The following RNF144A variants were observed in gnomAD, a reference collection of about 807,000 sequenced individuals.
RNF144A encodes the protein ring finger protein 144A.
RNF144A carries 11 observed loss-of-function variants against 38.7 expected under a neutral mutation model. That is an observed-to-expected ratio of 0.28 (90% CI 0.18 to 0.47). The LOEUF is 0.47. Among genes scored for constraint, RNF144A ranks in the 20% least tolerant of loss-of-function variants. RNF144A has a pLI of 0.99. For synonymous variants in RNF144A, 149 were observed against 143.9 expected (o/e 1.04, Z -0.25); for missense variants, 316 against 377.2 (o/e 0.84, Z 1.34).
At chr2:6,934,689 T>A (rs1665453500) in intron 1 of RNF144A, among the ~76,000 whole-genome samples, 1 of 152,228 alleles carries the variant, frequency 6.6e-6, no homozygotes, top group South Asian at 2.1e-4. Context: ...GAAAACTGTT[T>A]AGTGAATAAC....
At chr2:7,059,878 A>G (rs1673885692) in intron 6 of RNF144A, among the ~76,000 whole-genome samples, 3 of 152,174 alleles carry the variant, frequency 2.0e-5, no homozygotes. Flanking sequence ...TTAAAATTTA[A>G]TTTTCTTCTC....
intron 1 of RNF144A, among the ~76,000 whole-genome samples, chr2:6,921,073 G>GT (rs1381105779): frequency 6.6e-6 from 1 of 152,210 alleles, no homozygotes; most frequent in African/African-American, 2.4e-5. Context: ...GTAAGGGTTT[G>GT]TTTGTTTCCC....
intron 2 of RNF144A, among the ~76,000 whole-genome samples, chr2:6,985,268 CTCTTTTTT>C (rs1315022728): frequency 0.013 from 1,666 of 128,638 alleles, 38 homozygotes; most frequent in African/African-American, 0.047. Context: ...TCCCTCCCCC[CTCTTTTTT>C]TTTTTTTTTT....
At chr2:6,981,729 A>G (rs534297458) in intron 2 of RNF144A, among the ~76,000 whole-genome samples, 6 of 151,838 alleles carry the variant, frequency 4.0e-5, no homozygotes, top group African/African-American at 9.7e-5. Flanking sequence ...ATCTGTTCCA[A>G]CTCTGCCTGT....
chr2:6,965,020 G>A (rs370464797), intron 2 of RNF144A, among the ~76,000 whole-genome samples: 34 of 152,144 alleles, frequency 2.2e-4, no homozygotes, highest in African/African-American at 7.5e-4. Context: ...CAACACAGTA[G>A]CAAGGAGTTT....
intron 1 of RNF144A, among the ~76,000 whole-genome samples, chr2:6,939,120 A>G (rs952908273): frequency 6.6e-6 from 1 of 152,242 alleles, no homozygotes; most frequent in Non-Finnish European, 1.5e-5. Context: ...ATGCTGGGCC[A>G]TATGAGAACT....
rs374791544 is a variant in RNF144A at position 6,942,676 on chromosome 2, G to C, written c.-12+1529G>C. On this transcript the variant is annotated intron_variant, in intron 2 of 8. Transcript: ENST00000320892. ...GATGGAGTAGGTTGCAGCCAGAGAAGGTTTGGGTGCAAAAAGGGATTCAGA... is the reference window on the plus strand; with the variant it reads ...GATGGAGTAGGTTGCAGCCAGAGAACGTTTGGGTGCAAAAAGGGATTCAGA... 3.9e-5 allele frequency among the ~76,000 whole-genome samples: 6 copies of C among 152,194 alleles called. 1 individual carries two copies. Among genetic ancestry groups the C allele is most frequent in the Admixed American group, 3.9e-4 (6 of 15,284 alleles).
At chr2:7,046,787 T>C (rs543751284), downstream of RNF144A, among the ~76,000 whole-genome samples, 164 of 152,370 alleles carry the variant, frequency 1.1e-3, 1 homozygote, top group African/African-American at 3.7e-3. Flanking sequence ...GTCAATATTT[T>C]CATATTGGAA....
chr2:7,056,877 A>T (rs567375972), intron 6 of RNF144A, among the ~76,000 whole-genome samples: 1 of 152,250 alleles, frequency 6.6e-6, no homozygotes, highest in Non-Finnish European at 1.5e-5. Flanking sequence ...AATATTAAAT[A>T]TGTGCACCAA....
chr2:7,049,917 AC>A (rs1408127491), intron 6 of RNF144A, among the ~76,000 whole-genome samples: 2 of 152,236 alleles, frequency 1.3e-5, no homozygotes, highest in Non-Finnish European at 2.9e-5. Flanking sequence ...TCCAAATGCA[AC>A]GGCTTTTGGA....
chr2:7,057,977 A>G (rs1374857357), intron 6 of RNF144A, among the ~76,000 whole-genome samples: 1 of 152,258 alleles, frequency 6.6e-6, no homozygotes, highest in African/African-American at 2.4e-5. Flanking sequence ...ACGATGGAGT[A>G]GAAGTGAAGA....
downstream of RNF144A, among the ~76,000 whole-genome samples, chr2:7,047,175 G>A (rs1188174986): frequency 2.0e-5 from 3 of 152,168 alleles, no homozygotes; most frequent in African/African-American, 7.2e-5. Flanking sequence ...CTTACTGAAT[G>A]CCTGTCAGAT....
chr2:6,986,203 T>G (rs1488578625), intron 2 of RNF144A, among the ~76,000 whole-genome samples: 1 of 151,770 alleles, frequency 6.6e-6, no homozygotes, highest in Non-Finnish European at 1.5e-5. Flanking sequence ...AGTGACAGCC[T>G]CAGGGTCACA....
intron 2 of RNF144A, 74 bp from the exon 3 acceptor site, chr2:6,996,842 A>C: frequency 6.8e-7 from 1 of 1,480,608 alleles, no homozygotes; most frequent in Non-Finnish European, 9.3e-7. Context: ...AGCTACAGCC[A>C]GGAGAACCTT....
intron 5 of RNF144A, among the ~76,000 whole-genome samples, chr2:7,019,410 C>T (rs569074605): frequency 3.9e-4 from 59 of 152,342 alleles, no homozygotes; most frequent in African/African-American, 1.3e-3. Flanking sequence ...GTGACACAGG[C>T]GAGCGGGAGC....
chr2:6,988,270 T>A (rs1000964192), intron 2 of RNF144A, among the ~76,000 whole-genome samples: 4 of 152,224 alleles, frequency 2.6e-5, no homozygotes, highest in Non-Finnish European at 5.9e-5. Context: ...AGTCCATTTG[T>A]CACAATATGA....
intron 2 of RNF144A, among the ~76,000 whole-genome samples, chr2:6,992,823 A>G (rs1558413291): frequency 6.6e-6 from 1 of 152,158 alleles, no homozygotes; most frequent in Non-Finnish European, 1.5e-5. Flanking sequence ...TTGTGTCCAC[A>G]CCTCTTTCAT....
chr2:7,001,537 C>G (rs145992285), intron 3 of RNF144A, among the ~76,000 whole-genome samples: 1 of 151,782 alleles, frequency 6.6e-6, no homozygotes, highest in Non-Finnish European at 1.5e-5. Context: ...ATTAGCTGGG[C>G]GTGGTGACAG....
chr2:6,964,163 C>G (rs1667506732), intron 2 of RNF144A, among the ~76,000 whole-genome samples: 2 of 152,164 alleles, frequency 1.3e-5, no homozygotes, highest in Admixed American at 1.3e-4. Context: ...GGAGCATGTT[C>G]ATGTCCTTTG....
Sources: gnomAD v4.1 joint callset for allele counts (sites outside exome capture counted in the v4.1 genomes callset) on GRCh38, gnomAD v4.1.1 for gene constraint, MANE v1.5 for transcripts, NCBI Gene and HGNC (gene_info 2026-07-23, HGNC 2026-07-21) for gene names.